Variants in FER observed in about 807,000 individuals in gnomAD.
The protein encoded by FER is tyrosine-protein kinase Fer.
Under a neutral mutation model 111.0 loss-of-function variants are expected in FER, and 63 were observed. That is an observed-to-expected ratio of 0.57 (90% CI 0.46 to 0.70). The LOEUF (loss-of-function observed/expected upper bound fraction) is 0.70. FER is among the 30% of genes least tolerant of loss of function. FER has a pLI of 0.00. For missense variants in FER, 914 were observed against 954.0 expected (o/e 0.96, Z 0.55); for synonymous variants, 327 against 313.9 (o/e 1.04, Z -0.44).
chr5:109,093,575 TATC>T (rs1244052600), intron 16 of FER, among the ~76,000 whole-genome samples: 3 of 152,282 alleles, frequency 2.0e-5, no homozygotes, highest in African/African-American at 7.2e-5. Context: ...CATCCACTGA[TATC>T]ATTGTTTTGG....
At chr5:109,115,513 A>T (rs17534846) in intron 17 of FER, among the ~76,000 whole-genome samples, 47,753 of 152,000 alleles carry the variant, frequency 0.31, 7,696 homozygotes, top group Non-Finnish European at 0.34. Context: ...ACCTAGGAGA[A>T]TTTTTATGTT....
intron 17 of FER, among the ~76,000 whole-genome samples, chr5:109,133,681 T>C (rs1752597806): frequency 6.6e-6 from 1 of 152,128 alleles, no homozygotes; most frequent in Non-Finnish European, 1.5e-5. Flanking sequence ...GTTATCTGTA[T>C]CTTCTCCATT....
chr5:108,753,530 T>C (rs909984490), intron 1 of FER, among the ~76,000 whole-genome samples: 29 of 152,204 alleles, frequency 1.9e-4, no homozygotes, highest in Non-Finnish European at 4.1e-4. Flanking sequence ...CCTAAATTCC[T>C]TTCATTTAAA....
intron 10 of FER, among the ~76,000 whole-genome samples, chr5:108,939,485 C>T (rs1349006946): frequency 2.0e-5 from 3 of 152,124 alleles, no homozygotes; most frequent in Admixed American, 6.6e-5. Context: ...CAAACCATGT[C>T]GTCAAGGATT....
intron 17 of FER, among the ~76,000 whole-genome samples, chr5:109,164,956 C>A (rs1221517717): frequency 6.6e-6 from 1 of 152,124 alleles, no homozygotes; most frequent in African/African-American, 2.4e-5. Flanking sequence ...TTTTTCCTCC[C>A]CATCTCTTCC....
intron 5 of FER, among the ~76,000 whole-genome samples, chr5:108,843,792 G>T (rs1489779112): frequency 6.6e-6 from 1 of 151,966 alleles, no homozygotes; most frequent in East Asian, 1.9e-4. Context: ...CTCCCAAAGT[G>T]CTAGGATTAC....
chr5:108,973,389 GA>G (rs1440483951), intron 13 of FER, among the ~76,000 whole-genome samples: 2 of 151,918 alleles, frequency 1.3e-5, no homozygotes, highest in Non-Finnish European at 2.9e-5. Context: ...ATTTAAGTTA[GA>G]AAAACCAAAG....
intron 5 of FER, among the ~76,000 whole-genome samples, chr5:108,855,564 T>C (rs1253440531): frequency 7.4e-6 from 1 of 135,820 alleles, no homozygotes; most frequent in Admixed American, 8.2e-5. Context: ...GAACTTGCAG[T>C]GAGCCAAGAT....
At chr5:109,169,584 C>A (rs572079549) in intron 17 of FER, among the ~76,000 whole-genome samples, 1 of 152,216 alleles carries the variant, frequency 6.6e-6, no homozygotes, top group South Asian at 2.1e-4. Context: ...TGCTGAGATA[C>A]ATAAAAAAGT....
chr5:109,013,142 A>G (rs1172287234), intron 13 of FER, among the ~76,000 whole-genome samples: 3 of 151,012 alleles, frequency 2.0e-5, no homozygotes, highest in Admixed American at 6.6e-5. Flanking sequence ...GGTTAGTTAC[A>G]TATGTATACA....
intron 2 of FER, among the ~76,000 whole-genome samples, chr5:108,786,083 A>C: frequency 6.6e-6 from 1 of 152,232 alleles, no homozygotes; most frequent in East Asian, 1.9e-4. Flanking sequence ...AGAGATACTC[A>C]GCAACACCCT....
At chr5:109,103,678 CTACTTG>C (rs1213790357) in intron 17 of FER, among the ~76,000 whole-genome samples, 2 of 151,992 alleles carry the variant, frequency 1.3e-5, no homozygotes, top group African/African-American at 4.8e-5. Context: ...ATTTTCTTTC[CTACTTG>C]TACTTTATGA....
At chr5:109,019,561 T>C (rs564791610) in intron 13 of FER, among the ~76,000 whole-genome samples, 3 of 151,964 alleles carry the variant, frequency 2.0e-5, no homozygotes, top group South Asian at 2.1e-4. Flanking sequence ...AGGGAACTTA[T>C]TAAAAATACA....
chr5:108,934,972 G>A (rs907629849), intron 10 of FER, among the ~76,000 whole-genome samples: 8 of 152,072 alleles, frequency 5.3e-5, no homozygotes, highest in Non-Finnish European at 7.4e-5. Context: ...CATTTTTATT[G>A]CATAGAATCT....
chr5:108,790,235 C>CCACACACACACACACACACACA (rs66805209), intron 2 of FER, among the ~76,000 whole-genome samples: 6 of 145,202 alleles, frequency 4.1e-5, no homozygotes, highest in South Asian at 2.2e-4. Context: ...TGCATACACA[C>CCACACACACACACACACACACA]CACACACACA....
At chr5:109,143,435 A>C (rs1012781022) in intron 17 of FER, among the ~76,000 whole-genome samples, 1 of 152,098 alleles carries the variant, frequency 6.6e-6, no homozygotes, top group Admixed American at 6.6e-5. Flanking sequence ...ATCCAGTGTA[A>C]GTTTTTGTTT....
chr5:109,136,689 T>C (rs1248936414), intron 17 of FER, among the ~76,000 whole-genome samples: 1 of 152,204 alleles, frequency 6.6e-6, no homozygotes, highest in Non-Finnish European at 1.5e-5. Flanking sequence ...AAGATACATG[T>C]GTTTTCAGAG....
chr5:109,052,446 C>A, intron 16 of FER: 1 of 1,311,284 alleles, frequency 7.6e-7, no homozygotes, highest in Non-Finnish European at 1.1e-6. Context: ...CTAAAGTGCT[C>A]CAGTCACGCA....
intron 16 of FER, among the ~76,000 whole-genome samples, chr5:109,094,353 A>G (rs1747214367): frequency 6.6e-6 from 1 of 152,166 alleles, no homozygotes; most frequent in Admixed American, 6.6e-5. Flanking sequence ...CCCAAATCCG[A>G]AATTCAAAAT....
Sources: allele counts gnomAD v4.1 joint callset (sites outside exome capture counted in the v4.1 genomes callset), GRCh38; gene constraint gnomAD v4.1.1; transcripts MANE v1.5; gene names NCBI Gene and HGNC (gene_info 2026-07-23, HGNC 2026-07-21).